The following GFPT2 variants were observed in gnomAD, a reference collection of about 807,000 sequenced individuals.
GFPT2 encodes glutamine--fructose-6-phosphate transaminase 2.
In GFPT2, 62 loss-of-function variants were observed where a neutral mutation model predicts 85.6. That is an observed-to-expected ratio of 0.72 (90% CI 0.59 to 0.90). The LOEUF is 0.90. GFPT2 is among the 40% of genes least tolerant of loss of function. GFPT2 has a pLI of 0.00. For synonymous variants in GFPT2, 368 were observed against 344.5 expected, an observed-to-expected ratio of 1.07 and a Z score of -0.75; for missense variants, 788 against 893.4, an observed-to-expected ratio of 0.88 and a Z score of 1.50.
chr5:180,325,057 G>A (rs1393517339), intron 7 of GFPT2, among the ~76,000 whole-genome samples, 162 bp from the exon 8 acceptor site: 1 of 152,172 alleles, frequency 6.6e-6, no homozygotes, highest in African/African-American at 2.4e-5. Flanking sequence ...AGGATGGAAA[G>A]GCCAGCTCCT....
intron 1 of GFPT2, among the ~76,000 whole-genome samples, chr5:180,348,268 C>T (rs1296129396): frequency 1.3e-5 from 2 of 152,236 alleles, no homozygotes; most frequent in African/African-American, 2.4e-5. Context: ...AATTCCCGAG[C>T]GTGTGCACGT....
chr5:180,323,255 T>C lies in GFPT2; in HGVS notation c.794+933A>G, dbSNP rs1764154688. On this transcript the variant is annotated intron_variant, in intron 9 of 18. Coordinates refer to ENST00000253778, the MANE Select transcript of GFPT2 (RefSeq NM_005110.4). The surrounding 1 kb of genome is among the most constrained non-coding windows in gnomAD (Gnocchi z 4.0). Reference sequence around the variant, plus strand: ...TCTCGGCGTGTTCTAAGGGGCACCATTTGGGAAGCGCTGCCTTGACCTCAG... The same window carrying C: ...TCTCGGCGTGTTCTAAGGGGCACCACTTGGGAAGCGCTGCCTTGACCTCAG... Among the ~76,000 whole-genome samples the C allele has an allele frequency of 6.6e-6, 1 of 152,102 alleles. No homozygotes were observed. Among genetic ancestry groups the C allele is most frequent in the Admixed American group, 6.5e-5 (1 of 15,276 alleles).
rs1008986683 is a variant in GFPT2 at position 180,336,340 on chromosome 5, A to G, written c.214+139T>C. ...CCCATACCCTGCGAAGCCCGGTTTT[A>G]CAGCACGGGCTTAGCCCTCCCTCTG... is the stretch of plus-strand genomic sequence containing the variant. On this transcript the variant is annotated intron_variant, in intron 3 of 18. Transcript: ENST00000253778. The G allele has an allele frequency of 4.7e-5, 33 of 702,602 alleles. No individual in the cohort carries two copies. The African/African-American group carries it at 5.9e-4, about 12-fold the overall frequency. 43.5% of individuals were successfully genotyped at this position (702,602 alleles called of 1,614,324 possible).
chr5:180,328,171 G>T lies in GFPT2; in HGVS notation c.596+106C>A. 2.4e-6 allele frequency: 2 copies of T among 834,600 alleles called. No individual in the cohort carries two copies. 51.7% of individuals were successfully genotyped at this position (834,600 alleles called of 1,614,324 possible). On this transcript the variant is annotated intron_variant, in intron 7 of 18. Coordinates refer to ENST00000253778, the MANE Select transcript of GFPT2 (RefSeq NM_005110.4). This position sits in a 1 kb window ranked among gnomAD's most constrained non-coding sequence, Gnocchi z 5.4. ...GCCACAGTTGTTCTTTAGACACCAC[G>T]AGCACCTTTCAGCGTGCCACAGGCC...
At chr5:180,312,245 G>C (rs1422555506) in intron 15 of GFPT2, among the ~76,000 whole-genome samples, 185 bp downstream of exon 15, 1 of 152,050 alleles carries the variant, frequency 6.6e-6, no homozygotes, top group Non-Finnish European at 1.5e-5. Context: ...CAGCGCAGGG[G>C]GAGGTGGGGG....
Position 180,323,309 on chromosome 5 carries a change from A to C in GFPT2, c.794+879T>G, listed in dbSNP as rs1764156465. On this transcript the variant is annotated intron_variant, in intron 9 of 18. Transcript: ENST00000253778. This position sits in a 1 kb window ranked among gnomAD's most constrained non-coding sequence, Gnocchi z 4.0. ...TAAGTATGATGCTGGCTGTGCGTTT[A>C]ATCAGGCCTCGCCTCCCTGTCGCTC... Among the ~76,000 whole-genome samples the C allele has an allele frequency of 6.6e-6, 1 of 152,132 alleles. No homozygotes were observed. The highest frequency in any genetic ancestry group is 2.4e-5 in the African/African-American group (1 of 41,436).
chr5:180,352,713 G>T (rs1315298886), intron 1 of GFPT2: 2 of 412,858 alleles, frequency 4.8e-6, no homozygotes, highest in African/African-American at 2.2e-5. Context: ...CAGCGGGGGC[G>T]ACCGGGCGGG....
chr5:180,338,762 C>G (rs913506450), intron 1 of GFPT2, among the ~76,000 whole-genome samples, 162 bp from the exon 2 acceptor site: 4 of 152,214 alleles, frequency 2.6e-5, no homozygotes, highest in African/African-American at 9.6e-5. Flanking sequence ...CGGTGCACCC[C>G]TTCTTCCTCC....
At position 180,328,566 on chromosome 5, in the gene GFPT2, C is replaced by T. The variant is rs1406884879; in HGVS notation, c.535-228G>A. On this transcript the variant is annotated intron_variant, in intron 6 of 18. Coordinates refer to ENST00000253778, the MANE Select transcript of GFPT2 (RefSeq NM_005110.4). The surrounding 1 kb of genome is among the most constrained non-coding windows in gnomAD (Gnocchi z 5.4). ...CAGAACATGTGAATTCCACGGTGAG[C>T]GATGTGCGGCTTGCCCAGGCCCACA... 1.3e-5 allele frequency among the ~76,000 whole-genome samples: 2 copies of T among 152,200 alleles called. No homozygotes were observed. Among genetic ancestry groups the T allele is most frequent in the African/African-American group, 2.4e-5 (1 of 41,456 alleles).
intron 4 of GFPT2, 54 bp downstream of exon 4, chr5:180,335,774 T>C: frequency 6.4e-7 from 1 of 1,570,696 alleles, no homozygotes; most frequent in Non-Finnish European, 8.6e-7. Context: ...GCACTGGCCC[T>C]GACACAGCTC....
chr5:180,335,722 T>G, intron 4 of GFPT2, 106 bp downstream of exon 4: 8 of 1,162,238 alleles, frequency 6.9e-6, no homozygotes, highest in Non-Finnish European at 8.6e-6. Context: ...TGAAGTAGGC[T>G]GAGAAGTCAG....
chr5:180,335,500 G>A (rs1234069396), intron 4 of GFPT2, among the ~76,000 whole-genome samples: 2 of 152,242 alleles, frequency 1.3e-5, no homozygotes, highest in East Asian at 3.8e-4. Context: ...GGGAGGAACA[G>A]TGCCCAGGCC....
chr5:180,306,861 G>C (rs962383882), intron 16 of GFPT2, among the ~76,000 whole-genome samples: 7 of 152,198 alleles, frequency 4.6e-5, no homozygotes, highest in Non-Finnish European at 7.3e-5. Flanking sequence ...CAGCTCATGA[G>C]GTCTGAGTGA....
intron 1 of GFPT2, among the ~76,000 whole-genome samples, chr5:180,344,969 A>G (rs1310328545): frequency 2.6e-5 from 4 of 152,200 alleles, no homozygotes; most frequent in Admixed American, 2.6e-4. Context: ...TCACCAGCCA[A>G]GGCATACCCA....
In GFPT2 at chr5:180,304,669, A is replaced by G. The variant is rs891817825; in HGVS notation, c.1842+103T>C. On this transcript the variant is annotated intron_variant, in intron 17 of 18. Transcript: ENST00000253778. ...GGAGGGTGTGTGGTCACAGCCACTC[A>G]CTGGCCAGACCATCCATCACTGGTA... 3 of 1,093,510 alleles carry G rather than the reference A, an allele frequency of 2.7e-6. No homozygotes were observed. The African/African-American group carries it at 4.6e-5, about 17-fold the overall frequency. The allele number at this position is 1,093,510 out of a possible 1,614,324, so 67.7% of individuals were successfully genotyped here.
rs1345090402 is a variant in GFPT2, at chr5:180,318,493, C to G, written c.958+300G>C. On this transcript the variant is annotated intron_variant, in intron 10 of 18. Coordinates refer to ENST00000253778, the MANE Select transcript of GFPT2 (RefSeq NM_005110.4). This position sits in a 1 kb window ranked among gnomAD's most constrained non-coding sequence, Gnocchi z 4.2. Reference sequence around the variant, plus strand: ...ACTTCCACCCAGAGGAGAAATGATGCCTGAGGGTGGGCATGTGTCCCGCGG... The same window carrying G: ...ACTTCCACCCAGAGGAGAAATGATGGCTGAGGGTGGGCATGTGTCCCGCGG... 2.8e-6 allele frequency: 1 copy of G among 357,144 alleles called. No individual in the cohort carries two copies. Among genetic ancestry groups the G allele is most frequent in the Admixed American group, 3.9e-5 (1 of 25,614 alleles). 22.1% of individuals were successfully genotyped at this position (357,144 alleles called of 1,614,324 possible). A position where few individuals can be genotyped will look rare whatever the true frequency, so the allele number is the denominator to read the frequency against.
rs1476875485 is a variant in GFPT2, at chr5:180,324,902, G to A, written c.597-7C>T. Reference sequence around the variant, plus strand: ...GAGCAGGGGGCTGCCTCTCCTGTAGGGAGAAAGAGGCATCCCATTACCCAT... The same window carrying A: ...GAGCAGGGGGCTGCCTCTCCTGTAGAGAGAAAGAGGCATCCCATTACCCAT... On this transcript the variant is annotated splice_polypyrimidine_tract_variant and splice_region_variant and intron_variant, in intron 7 of 18. Transcript: ENST00000253778. The A allele has an allele frequency of 1.8e-5, 29 of 1,581,848 alleles. 1 individual carries two copies. The Admixed American group carries it at 4.7e-4, about 25-fold the overall frequency.
intron 15 of GFPT2, among the ~76,000 whole-genome samples, chr5:180,309,485 A>G (rs984730591): frequency 6.6e-6 from 1 of 152,104 alleles, no homozygotes; most frequent in South Asian, 2.1e-4. Context: ...CAACGGCGTG[A>G]TCTCAGCTCA....
chr5:180,303,441 C>T (rs562620468), intron 17 of GFPT2, among the ~76,000 whole-genome samples: 7 of 152,232 alleles, frequency 4.6e-5, no homozygotes, highest in African/African-American at 1.4e-4. Context: ...GGCCCGGAGG[C>T]GGGCGCGGGC....
Sources: gnomAD v4.1 joint callset for allele counts (sites outside exome capture counted in the v4.1 genomes callset) on GRCh38, gnomAD v4.1.1 for gene constraint, Gnocchi (gnomAD v3.1) non-coding constraint, MANE v1.5 for transcripts, NCBI Gene and HGNC (gene_info 2026-07-23, HGNC 2026-07-21) for gene names.